The following NBAS variants were observed in gnomAD, a reference collection of about 807,000 sequenced individuals.
NBAS encodes NAG/BC035112 fusion.
A neutral mutation model predicts 302.5 loss-of-function variants in NBAS; 219 were observed. That is an observed-to-expected ratio of 0.72 (90% CI 0.65 to 0.81). The LOEUF (loss-of-function observed/expected upper bound fraction) is 0.81, where lower values mean the gene tolerates loss of function less well. Among genes scored for constraint, NBAS ranks in the 30% least tolerant of loss-of-function variants. The pLI is 0.00. For synonymous variants in NBAS, 1,118 were observed against 1,021.6 expected, an observed-to-expected ratio of 1.09 and a Z score of -1.80; for missense variants, 2,932 against 2,841.6, an observed-to-expected ratio of 1.03 and a Z score of -0.72.
the NBAS span, among the ~76,000 whole-genome samples, chr2:14,780,510 A>T: frequency 1.3e-5 from 2 of 152,376 alleles, no homozygotes; most frequent in East Asian, 1.9e-4. Flanking sequence ...ACATAAGCAT[A>T]AAAGTTCTTT....
At chr2:14,865,995 G>T in the NBAS span, among the ~76,000 whole-genome samples, 1 of 151,892 alleles carries the variant, frequency 6.6e-6, no homozygotes, top group African/African-American at 2.4e-5. Context: ...TGTTTCCCTG[G>T]TCTCTATTTT....
At chr2:15,459,266 A>T (rs1405176308) in intron 21 of NBAS, among the ~76,000 whole-genome samples, 1 of 152,178 alleles carries the variant, frequency 6.6e-6, no homozygotes, top group Non-Finnish European at 1.5e-5. Context: ...AACTGCCTTT[A>T]AAAAAACCGT....
chr2:15,390,472 T>C (rs960417200), intron 28 of NBAS, among the ~76,000 whole-genome samples: 1 of 152,098 alleles, frequency 6.6e-6, no homozygotes, highest in Non-Finnish European at 1.5e-5. Context: ...AGATGCAGAT[T>C]AGAGGATACA....
chr2:15,529,675 T>C (rs1388014907), intron 9 of NBAS, among the ~76,000 whole-genome samples: 1 of 152,144 alleles, frequency 6.6e-6, no homozygotes, highest in Non-Finnish European at 1.5e-5. Flanking sequence ...ATATGCAGTA[T>C]CAAGGCTTGG....
At chr2:15,353,283 T>G (rs1673455218) in intron 34 of NBAS, among the ~76,000 whole-genome samples, 1 of 152,180 alleles carries the variant, frequency 6.6e-6, no homozygotes, top group African/African-American at 2.4e-5. Context: ...ACACTAACTT[T>G]CCCCATTATT....
intron 6 of NBAS, among the ~76,000 whole-genome samples, chr2:15,544,200 C>T (rs959056614): frequency 5.9e-5 from 9 of 152,004 alleles, no homozygotes; most frequent in African/African-American, 2.2e-4. Flanking sequence ...TGAGCAAGGG[C>T]AAACTAGTGG....
At chr2:14,783,769 G>T in the NBAS span, among the ~76,000 whole-genome samples, 5 of 151,762 alleles carry the variant, frequency 3.3e-5, no homozygotes, top group Non-Finnish European at 7.4e-5. Context: ...TGAATAGTGC[G>T]GCAATAAACA....
At chr2:15,454,833 A>G (rs1246111751) in intron 21 of NBAS, among the ~76,000 whole-genome samples, 3 of 151,738 alleles carry the variant, frequency 2.0e-5, no homozygotes, top group Non-Finnish European at 4.4e-5. Context: ...TTCTCCAGGT[A>G]TTTTTCAAGG....
the NBAS span, among the ~76,000 whole-genome samples, chr2:14,801,517 C>A: frequency 6.6e-6 from 1 of 152,062 alleles, no homozygotes; most frequent in Non-Finnish European, 1.5e-5. Flanking sequence ...ATTCTATCTT[C>A]CATTTTTCAA....
intron 44 of NBAS, among the ~76,000 whole-genome samples, chr2:15,271,490 G>A (rs1669320847): frequency 1.3e-5 from 2 of 152,304 alleles, no homozygotes; most frequent in Non-Finnish European, 2.9e-5. Flanking sequence ...CAAGGTGGGG[G>A]AAAGGGGAGT....
chr2:15,084,601 T>G, the NBAS span, among the ~76,000 whole-genome samples: 1 of 151,728 alleles, frequency 6.6e-6, no homozygotes, highest in Non-Finnish European at 1.5e-5. Context: ...TTCCAGAAGC[T>G]CTGCTTAAAC....
At chr2:15,038,463 A>T in the NBAS span, among the ~76,000 whole-genome samples, 1 of 152,082 alleles carries the variant, frequency 6.6e-6, no homozygotes, top group Non-Finnish European at 1.5e-5. Context: ...TTAGATAAGA[A>T]CCAAACATCT....
chr2:15,039,271 C>T, the NBAS span, among the ~76,000 whole-genome samples: 1 of 152,184 alleles, frequency 6.6e-6, no homozygotes, highest in Non-Finnish European at 1.5e-5. Flanking sequence ...CGGTTGCACA[C>T]TGAATGAATG....
intron 47 of NBAS, among the ~76,000 whole-genome samples, chr2:15,223,252 C>T (rs959308527): frequency 2.6e-5 from 4 of 152,122 alleles, no homozygotes; most frequent in African/African-American, 7.2e-5. Flanking sequence ...TACACACAAA[C>T]ATATGCATAG....
At chr2:15,267,082 A>C (rs1669111381) in intron 44 of NBAS, among the ~76,000 whole-genome samples, 1 of 152,216 alleles carries the variant, frequency 6.6e-6, no homozygotes, top group African/African-American at 2.4e-5. Flanking sequence ...TATACCCAGA[A>C]GCTATTTCTT....
Position 15,298,282 on chromosome 2 carries a change from TA to T in NBAS, c.4798-5517del, listed in dbSNP as rs371561472. On this transcript the variant is annotated intron_variant, in intron 40 of 51. Transcript: ENST00000281513. Reference sequence around the variant, plus strand: ...TTATAGCTCATCAAATATTTGTGTATAAAAAAATTTTCAGTACTTCAATTTA... The same window carrying T: ...TTATAGCTCATCAAATATTTGTGTATAAAAAATTTTCAGTACTTCAATTTA... Among the ~76,000 whole-genome samples, 128 of 152,290 alleles carry T rather than the reference TA, an allele frequency of 8.4e-4. No individual in the cohort carries two copies. The East Asian group carries it at 0.012, about 15-fold the overall frequency.
the NBAS span, among the ~76,000 whole-genome samples, chr2:14,911,092 C>T: frequency 1.3e-5 from 2 of 152,178 alleles, no homozygotes; most frequent in African/African-American, 4.8e-5. Context: ...TTCCTTTGAA[C>T]AAAGAAACTC....
chr2:15,536,495 T>A lies in NBAS; in HGVS notation c.570A>T (p.Glu190Asp). ...CAGACCACTGTGCACTTGCTTTATA[T>A]TCTAAAAATATCAACCCAGCAATGG... is the stretch of plus-strand genomic sequence containing the variant. ...SYAIAGLIFL[E>D]YKASAQWSAE... Residue 190 changes from glutamate (E) to aspartate (D), a missense_variant, in exon 8 of 52, where the codon GAA (glutamate) becomes GAT (aspartate). By Grantham distance (45) the Glu-to-Asp change is conservative. Coordinates refer to ENST00000281513, the MANE Select transcript of NBAS (RefSeq NM_015909.4). 1 of 1,613,166 alleles carries A rather than the reference T, an allele frequency of 6.2e-7. No individual in the cohort carries two copies. The highest frequency in any genetic ancestry group is 8.5e-7 in the Non-Finnish European group (1 of 1,179,720).
At chr2:15,205,083 A>G (rs926480277) in intron 48 of NBAS, among the ~76,000 whole-genome samples, 5 of 152,166 alleles carry the variant, frequency 3.3e-5, no homozygotes, top group African/African-American at 7.2e-5. Context: ...GAATAAAACA[A>G]TAAGTTAAAA....
Sources: allele counts gnomAD v4.1 joint callset (sites outside exome capture counted in the v4.1 genomes callset), GRCh38; gene constraint gnomAD v4.1.1; transcripts MANE v1.5; gene names NCBI Gene and HGNC (gene_info 2026-07-23, HGNC 2026-07-21).